The following MTA3 variants were observed in gnomAD, a reference collection of about 807,000 sequenced individuals.
MTA3 encodes metastasis associated 1 family member 3, also known as metastasis-associated protein MTA3.
MTA3 carries 34 observed loss-of-function variants against 83.5 expected under a neutral mutation model. The observed-to-expected ratio is 0.41, with a 90% CI of 0.31 to 0.54. The LOEUF (loss-of-function observed/expected upper bound fraction) is 0.54. Among genes scored for constraint, MTA3 ranks in the 20% least tolerant of loss-of-function variants. The pLI, the probability that MTA3 is intolerant of heterozygous loss-of-function variation, is 0.33. For missense variants in MTA3, 761 were observed against 726.4 expected (o/e 1.05, Z -0.55); for synonymous variants, 303 against 252.7 (o/e 1.20, Z -1.89).
chr2:42,655,547 A>T (rs1000161376), intron 6 of MTA3, among the ~76,000 whole-genome samples: 8 of 151,976 alleles, frequency 5.3e-5, no homozygotes, highest in Non-Finnish European at 7.4e-5. Context: ...TATTCTATTT[A>T]TTTGGTTTAT....
intron 4 of MTA3, among the ~76,000 whole-genome samples, chr2:42,617,818 T>A (rs1685086863): frequency 1.3e-5 from 2 of 152,030 alleles, no homozygotes; most frequent in East Asian, 3.8e-4. Flanking sequence ...AATTTGCACA[T>A]TTGGACATCA....
chr2:42,606,374 C>G (rs1683406398), intron 3 of MTA3, among the ~76,000 whole-genome samples: 1 of 150,754 alleles, frequency 6.6e-6, no homozygotes, highest in African/African-American at 2.4e-5. Context: ...GGGCTCCTCA[C>G]TTCTCAGACG....
intron 8 of MTA3, among the ~76,000 whole-genome samples, chr2:42,664,938 C>T (rs1043056328): frequency 4.6e-5 from 7 of 152,204 alleles, no homozygotes; most frequent in African/African-American, 1.7e-4. Context: ...GTAGTTCTCA[C>T]ATCCTCATTT....
intron 2 of MTA3, among the ~76,000 whole-genome samples, chr2:42,544,693 T>TA (rs1297328108): frequency 4.2e-4 from 64 of 151,742 alleles, no homozygotes; most frequent in African/African-American, 1.2e-3. Flanking sequence ...AGCATTTTTT[T>TA]AAAAAAAACA....
intron 2 of MTA3, among the ~76,000 whole-genome samples, chr2:42,521,138 TC>T (rs1235408043): frequency 6.6e-6 from 1 of 152,198 alleles, no homozygotes; most frequent in Non-Finnish European, 1.5e-5. Flanking sequence ...GGATGTCACT[TC>T]CAAGATTTGG....
chr2:42,605,756 CAGA>C (rs1683241605), intron 3 of MTA3, among the ~76,000 whole-genome samples: 1 of 124,948 alleles, frequency 8.0e-6, no homozygotes, highest in Non-Finnish European at 1.7e-5. Flanking sequence ...GCTGGCCGGG[CAGA>C]GGGGCTCCTC....
intron 3 of MTA3, among the ~76,000 whole-genome samples, chr2:42,605,165 C>T (rs1270124956): frequency 6.9e-6 from 1 of 145,930 alleles, no homozygotes; most frequent in African/African-American, 2.5e-5. Flanking sequence ...GGCGGCCGGG[C>T]AGAGGCGCCC....
chr2:42,718,165 A>T (rs998779819), intron 14 of MTA3, among the ~76,000 whole-genome samples: 3 of 147,184 alleles, frequency 2.0e-5, no homozygotes, highest in African/African-American at 7.6e-5. Context: ...AAAACATCAC[A>T]TGGTTATTGT....
At chr2:42,671,364 T>A (rs1397562978) in intron 8 of MTA3, among the ~76,000 whole-genome samples, 1 of 152,130 alleles carries the variant, frequency 6.6e-6, no homozygotes, top group Non-Finnish European at 1.5e-5. Flanking sequence ...TCACATAACC[T>A]TTTTTTCTTG....
At chr2:42,525,627 T>C (rs74179017) in intron 2 of MTA3, among the ~76,000 whole-genome samples, 4,519 of 125,098 alleles carry the variant, frequency 0.036, 287 homozygotes, top group Admixed American at 0.19. Context: ...TCCTTCCTAC[T>C]TTCTTTCTTT....
intron 2 of MTA3, among the ~76,000 whole-genome samples, chr2:42,577,636 A>G (rs560776462): frequency 6.6e-6 from 1 of 152,072 alleles, no homozygotes; most frequent in Admixed American, 6.6e-5. Flanking sequence ...GTGTGCCACC[A>G]CACCCAGCTA....
chr2:42,652,194 A>G, intron 6 of MTA3, among the ~76,000 whole-genome samples: 1 of 152,234 alleles, frequency 6.6e-6, no homozygotes, highest in East Asian at 1.9e-4. Context: ...CCTTCGAGGT[A>G]ATCTCCAAGC....
intron 2 of MTA3, among the ~76,000 whole-genome samples, chr2:42,555,174 G>T (rs927975214): frequency 2.6e-5 from 4 of 151,830 alleles, no homozygotes; most frequent in Non-Finnish European, 4.4e-5. Context: ...GTTATTTTGA[G>T]AAAAGGAGGC....
Position 42,610,779 on chromosome 2 carries a change from G to C in MTA3, c.317+1195G>C, listed in dbSNP as rs570667989. 1.6e-3 allele frequency among the ~76,000 whole-genome samples: 247 copies of C among 152,192 alleles called. 3 individuals carry two copies. The highest frequency in any genetic ancestry group is 6.8e-3 in the Middle Eastern group (2 of 294). ...AGGCACAAATAGAGGGCACAGGTGAGCATAGGGTGTATGAAAGCAGCAGCT... is the reference window on the plus strand; with the variant it reads ...AGGCACAAATAGAGGGCACAGGTGACCATAGGGTGTATGAAAGCAGCAGCT... On this transcript the variant is annotated intron_variant, in intron 4 of 16. Transcript: ENST00000405094.
intron 3 of MTA3, among the ~76,000 whole-genome samples, chr2:42,607,946 G>T (rs542595614): frequency 4.5e-4 from 69 of 152,210 alleles, no homozygotes; most frequent in African/African-American, 1.6e-3. Flanking sequence ...GCGAGACTCC[G>T]TCTAAAAAAA....
At chr2:42,661,285 G>A (rs1182402844) in intron 8 of MTA3, among the ~76,000 whole-genome samples, 4 of 152,010 alleles carry the variant, frequency 2.6e-5, no homozygotes, top group Admixed American at 6.6e-5. Flanking sequence ...GATTGCTTGA[G>A]CTCAGGAGTT....
chr2:42,667,735 A>C (rs1294492743), intron 8 of MTA3, among the ~76,000 whole-genome samples: 2 of 152,028 alleles, frequency 1.3e-5, no homozygotes, highest in East Asian at 3.9e-4. Flanking sequence ...CCTGGGCTCA[A>C]GTGATCCTCC....
chr2:42,617,301 A>G (rs1203395287), intron 4 of MTA3, among the ~76,000 whole-genome samples: 1 of 152,212 alleles, frequency 6.6e-6, no homozygotes, highest in Non-Finnish European at 1.5e-5. Context: ...ACTTGATCTT[A>G]CAGAACTTCT....
intron 2 of MTA3, among the ~76,000 whole-genome samples, chr2:42,515,903 C>T (rs1180757009): frequency 1.4e-5 from 2 of 147,080 alleles, no homozygotes; most frequent in Non-Finnish European, 3.0e-5. Flanking sequence ...TGCAGTGGTG[C>T]GATCTCGGCT....
Sources: allele counts gnomAD v4.1 joint callset (sites outside exome capture counted in the v4.1 genomes callset), GRCh38; gene constraint gnomAD v4.1.1; transcripts MANE v1.5; gene names NCBI Gene and HGNC (gene_info 2026-07-23, HGNC 2026-07-21).